Variants in GRIK2 observed in about 807,000 individuals in gnomAD.
GRIK2 encodes glutamate receptor ionotropic, kainate 2.
In GRIK2, 32 loss-of-function variants were observed where a neutral mutation model predicts 100.3. The ratio of observed to expected loss-of-function variants is 0.32; its 90% CI spans 0.24 to 0.43. The LOEUF (loss-of-function observed/expected upper bound fraction) is 0.43. Ranked by LOEUF, GRIK2 falls within the 20% of genes least tolerant of loss-of-function variation. GRIK2 has a pLI of 1.00. For missense variants in GRIK2, 843 were observed against 1,114.9 expected, an observed-to-expected ratio of 0.76 and a Z score of 3.47; for synonymous variants, 417 against 389.4, an observed-to-expected ratio of 1.07 and a Z score of -0.83.
chr6:101,955,551 C>T (rs1791864224), intron 14 of GRIK2, among the ~76,000 whole-genome samples: 1 of 143,438 alleles, frequency 7.0e-6, no homozygotes, highest in Non-Finnish European at 1.5e-5. Context: ...ACCCAGAGTC[C>T]CAGCCTGAGC....
At chr6:101,702,614 T>C (rs1772976390) in intron 7 of GRIK2, among the ~76,000 whole-genome samples, 4 of 151,974 alleles carry the variant, frequency 2.6e-5, no homozygotes, top group Admixed American at 1.3e-4. Flanking sequence ...AATAGAGCTA[T>C]AGTGGTGACT....
At chr6:101,750,119 G>A (rs1434159362) in intron 7 of GRIK2, among the ~76,000 whole-genome samples, 1 of 152,030 alleles carries the variant, frequency 6.6e-6, no homozygotes, top group Non-Finnish European at 1.5e-5. Flanking sequence ...CCAGCAGTGT[G>A]TGCCAGTTTC....
intron 2 of GRIK2, among the ~76,000 whole-genome samples, chr6:101,444,756 G>A (rs1770270361): frequency 1.3e-5 from 2 of 152,022 alleles, no homozygotes; most frequent in African/African-American, 4.8e-5. Flanking sequence ...ACTACTCTCT[G>A]TCTGCTCACT....
rs995834447 is a variant in GRIK2 at position 101,723,274 on chromosome 6, T to C, written c.951+36921T>C. ...TCACAAAAAATAAATCTATATAAAC[T>C]GCAAAAGTAAAATGTTCATATATGG... On this transcript the variant is annotated intron_variant, in intron 7 of 16. Coordinates refer to ENST00000369134, the MANE Select transcript of GRIK2 (RefSeq NM_021956.5). Among the ~76,000 whole-genome samples, 4 of 151,970 alleles carry C rather than the reference T, an allele frequency of 2.6e-5. No individual in the cohort carries two copies. The South Asian group carries it at 6.2e-4, about 24-fold the overall frequency.
chr6:101,548,779 A>G (rs1776372999), intron 2 of GRIK2, among the ~76,000 whole-genome samples: 1 of 152,192 alleles, frequency 6.6e-6, no homozygotes, highest in Non-Finnish European at 1.5e-5. Context: ...AGCACTTTAC[A>G]TTTATTGAAT....
intron 7 of GRIK2, among the ~76,000 whole-genome samples, chr6:101,783,091 C>A (rs772308994): frequency 5.3e-5 from 8 of 152,010 alleles, no homozygotes; most frequent in Non-Finnish European, 1.2e-4. Context: ...ATCTCCTGAC[C>A]TTGTGATCCA....
At chr6:101,665,588 GT>G (rs1769966561) in intron 4 of GRIK2, among the ~76,000 whole-genome samples, 4 of 152,172 alleles carry the variant, frequency 2.6e-5, no homozygotes, top group Admixed American at 2.6e-4. Flanking sequence ...CTGTCACTAA[GT>G]TCTCTATATT....
At chr6:101,669,030 G>A (rs979383262) in intron 4 of GRIK2, among the ~76,000 whole-genome samples, 3 of 152,160 alleles carry the variant, frequency 2.0e-5, no homozygotes, top group African/African-American at 7.2e-5. Flanking sequence ...TGTACTCTTA[G>A]TGAAGGAATT....
At chr6:101,999,236 A>G (rs931286634) in intron 14 of GRIK2, among the ~76,000 whole-genome samples, 1 of 151,992 alleles carries the variant, frequency 6.6e-6, no homozygotes. Flanking sequence ...TTGCATTTCT[A>G]TGTAAACTTT....
intron 7 of GRIK2, among the ~76,000 whole-genome samples, chr6:101,743,476 A>G (rs1776177415): frequency 6.6e-6 from 1 of 152,220 alleles, no homozygotes; most frequent in South Asian, 2.1e-4. Context: ...ATTCACTTCT[A>G]TATGGAAACT....
At chr6:101,976,432 C>A (rs984939021) in intron 14 of GRIK2, among the ~76,000 whole-genome samples, 1 of 151,882 alleles carries the variant, frequency 6.6e-6, no homozygotes, top group Non-Finnish European at 1.5e-5. Flanking sequence ...TGTGGTGGCT[C>A]ATGCCTGTAA....
chr6:101,856,219 C>G (rs1784419306), intron 10 of GRIK2, among the ~76,000 whole-genome samples: 1 of 151,932 alleles, frequency 6.6e-6, no homozygotes, highest in Admixed American at 6.6e-5. Context: ...ATCAAATGAG[C>G]TAAAAGAAAG....
At position 101,679,114 on chromosome 6, in the gene GRIK2, TAGTAATC is replaced by T. The variant is rs531316769; in HGVS notation, c.723+2313_723+2319del. 6.8e-4 allele frequency among the ~76,000 whole-genome samples: 104 copies of T among 152,058 alleles called. 1 individual carries two copies. The highest frequency in any genetic ancestry group is 3.5e-3 in the South Asian group (17 of 4,824). The stretch of plus-strand genomic sequence containing the variant: ...AGGACATTCTATCACAGGGAAAAAA[TAGTAATC>T]AGGAACTTCAAAGTTTAGATCAGAG... On this transcript the variant is annotated intron_variant, in intron 5 of 16. Transcript: ENST00000369134.
intron 2 of GRIK2, among the ~76,000 whole-genome samples, chr6:101,592,762 T>A (rs1778734651): frequency 6.6e-6 from 1 of 150,914 alleles, no homozygotes; most frequent in African/African-American, 2.4e-5. Flanking sequence ...GGTTTGGGTG[T>A]GGGAAGAAGT....
intron 4 of GRIK2, among the ~76,000 whole-genome samples, chr6:101,643,590 A>G (rs1015675143): frequency 1.3e-5 from 2 of 151,702 alleles, no homozygotes; most frequent in East Asian, 1.9e-4. Flanking sequence ...CCATTGGTTT[A>G]TATGTCTGCC....
chr6:101,733,925 C>G (rs916177822), intron 7 of GRIK2, among the ~76,000 whole-genome samples: 2 of 151,956 alleles, frequency 1.3e-5, no homozygotes, highest in Non-Finnish European at 2.9e-5. Flanking sequence ...CTGATATGTC[C>G]TCATTTCCAT....
At chr6:101,458,014 T>A (rs1172059586) in intron 2 of GRIK2, among the ~76,000 whole-genome samples, 1 of 152,012 alleles carries the variant, frequency 6.6e-6, no homozygotes, top group Non-Finnish European at 1.5e-5. Context: ...ACTTAAGCCA[T>A]CATTTTTAAA....
chr6:101,520,682 A>G (rs1562197604), intron 2 of GRIK2, among the ~76,000 whole-genome samples: 4 of 152,084 alleles, frequency 2.6e-5, no homozygotes, highest in African/African-American at 9.7e-5. Flanking sequence ...ATAGCAGAAA[A>G]TCTGAAGAAT....
At chr6:101,885,454 A>G (rs1187730223) in intron 11 of GRIK2, among the ~76,000 whole-genome samples, 2 of 152,054 alleles carry the variant, frequency 1.3e-5, no homozygotes, top group Non-Finnish European at 2.9e-5. Context: ...TTTCCTTAAG[A>G]TCTCAGGTTT....
Sources: gnomAD v4.1 joint callset for allele counts (sites outside exome capture counted in the v4.1 genomes callset) on GRCh38, gnomAD v4.1.1 for gene constraint, MANE v1.5 for transcripts, NCBI Gene and HGNC (gene_info 2026-07-23, HGNC 2026-07-21) for gene names.